The following RBM26 variants were observed in gnomAD, a reference collection of about 807,000 sequenced individuals.
The protein encoded by RBM26 is RNA-binding protein 26.
Under a neutral mutation model 123.6 loss-of-function variants are expected in RBM26, and 30 were observed. That is an observed-to-expected ratio of 0.24 (90% CI 0.18 to 0.33). The LOEUF (loss-of-function observed/expected upper bound fraction) is 0.33. Among genes scored for constraint, RBM26 ranks in the 10% least tolerant of loss-of-function variants. RBM26 has a pLI of 1.00. For synonymous variants in RBM26, 400 were observed against 404.4 expected (o/e 0.99, Z 0.13); for missense variants, 947 against 1,203.6 (o/e 0.79, Z 3.15).
chr13:79,383,735 C>T (rs2077253367), intron 1 of RBM26, among the ~76,000 whole-genome samples: 1 of 151,942 alleles, frequency 6.6e-6, no homozygotes, highest in Admixed American at 6.6e-5. Flanking sequence ...GTCATGTAGA[C>T]ACGTGCTCTG....
rs909759008 is a variant in RBM26, at chr13:79,370,846, G to C, written c.634+99C>G. ...TTGGACCACAGAATACATCATAATA[G>C]AAAAAAATGAAGACAACACTGACAA... On this transcript the variant is annotated intron_variant, in intron 5 of 21. Transcript: ENST00000438737. The C allele has an allele frequency of 3.1e-6, 4 of 1,281,092 alleles. No individual in the cohort carries two copies. The East Asian group carries it at 9.4e-5, about 30-fold the overall frequency. 79.4% of individuals were successfully genotyped at this position (1,281,092 alleles called of 1,614,324 possible).
intron 14 of RBM26, among the ~76,000 whole-genome samples, chr13:79,352,648 CA>C (rs1232543260): frequency 5.3e-5 from 8 of 152,036 alleles, no homozygotes; most frequent in African/African-American, 1.9e-4. Flanking sequence ...TTCCAGTTTA[CA>C]AAAATATTTG....
intron 1 of RBM26, among the ~76,000 whole-genome samples, chr13:79,385,044 A>G (rs950984545): frequency 6.6e-6 from 1 of 152,182 alleles, no homozygotes; most frequent in Admixed American, 6.5e-5. Context: ...TTAAATTTAA[A>G]TATGTTAACT....
intron 9 of RBM26, among the ~76,000 whole-genome samples, chr13:79,364,038 TA>T (rs1194473611): frequency 6.6e-6 from 1 of 152,118 alleles, no homozygotes; most frequent in Admixed American, 6.5e-5. Flanking sequence ...AGGATATAGG[TA>T]AACATCACAC....
intron 18 of RBM26, among the ~76,000 whole-genome samples, 180 bp downstream of exon 18, chr13:79,340,943 A>G (rs1280631439): frequency 6.6e-6 from 1 of 151,936 alleles, no homozygotes; most frequent in African/African-American, 2.4e-5. Flanking sequence ...GATTTTATCT[A>G]GTACCTCTGA....
intron 11 of RBM26, among the ~76,000 whole-genome samples, chr13:79,357,390 A>G (rs1295350584): frequency 6.6e-6 from 1 of 152,092 alleles, no homozygotes; most frequent in Non-Finnish European, 1.5e-5. Context: ...ACCATACAAA[A>G]TGGGGGAAAA....
intron 3 of RBM26, chr13:79,376,557 GTAA>G (rs2076685920): frequency 6.6e-6 from 1 of 152,100 alleles, no homozygotes; most frequent in Admixed American, 6.6e-5. Context: ...TATATGACTA[GTAA>G]CTAAGGGTGA....
chr13:79,350,251 A>G (rs2073038393), intron 14 of RBM26, among the ~76,000 whole-genome samples: 1 of 152,222 alleles, frequency 6.6e-6, no homozygotes, highest in African/African-American at 2.4e-5. Context: ...CCACAAGAAC[A>G]ATAACATCCT....
intron 14 of RBM26, among the ~76,000 whole-genome samples, chr13:79,350,135 A>C (rs922424056): frequency 6.6e-6 from 1 of 152,234 alleles, no homozygotes; most frequent in African/African-American, 2.4e-5. Context: ...TATAACATGC[A>C]ATATTCTTTT....
downstream of RBM26, chr13:79,315,003 G>A (rs761691264): frequency 8.5e-6 from 11 of 1,296,522 alleles, no homozygotes; most frequent in African/African-American, 1.2e-4. Flanking sequence ...GCTGGAAAAA[G>A]AGAAGACTAT....
intron 3 of RBM26, among the ~76,000 whole-genome samples, chr13:79,373,369 AAT>A (rs1192673602): frequency 9.6e-6 from 1 of 103,972 alleles, no homozygotes; most frequent in African/African-American, 3.9e-5. Context: ...ATAAATATAT[AAT>A]ATATATTATA....
Position 79,358,451 on chromosome 13 carries a change from G to C in RBM26, c.1530-18C>G, listed in dbSNP as rs2074281155. 6.3e-7 allele frequency: 1 copy of C among 1,597,380 alleles called. No homozygotes were observed. The highest frequency in any genetic ancestry group is 1.3e-5 in the African/African-American group (1 of 74,114). ...AATTTGGTCTGCAAACAAAATTCAAGTTAGTCAATACATTTATAAATCCTG... is the reference window on the plus strand; with the variant it reads ...AATTTGGTCTGCAAACAAAATTCAACTTAGTCAATACATTTATAAATCCTG... On this transcript the variant is annotated intron_variant, in intron 10 of 21. Coordinates refer to ENST00000438737, the MANE Select transcript of RBM26 (RefSeq NM_001366735.2).
chr13:79,378,207 C>T (rs986743822), intron 2 of RBM26, among the ~76,000 whole-genome samples: 2 of 152,154 alleles, frequency 1.3e-5, no homozygotes, highest in African/African-American at 4.8e-5. Flanking sequence ...AAGCAGTTTC[C>T]TAAGCAGTAC....
intron 20 of RBM26, among the ~76,000 whole-genome samples, chr13:79,333,634 T>C (rs1213354735): frequency 1.3e-5 from 2 of 152,152 alleles, no homozygotes; most frequent in Non-Finnish European, 2.9e-5. Flanking sequence ...CTACAATTCC[T>C]GAAGAAAGAA....
chr13:79,351,510 G>A (rs933461628), intron 14 of RBM26, among the ~76,000 whole-genome samples: 2 of 151,688 alleles, frequency 1.3e-5, no homozygotes, highest in African/African-American at 4.8e-5. Flanking sequence ...ATTCCAAGGA[G>A]GAGGTGGGGA....
chr13:79,316,155 T>C (rs1044811664), downstream of RBM26, among the ~76,000 whole-genome samples: 9 of 151,220 alleles, frequency 6.0e-5, no homozygotes, highest in African/African-American at 2.2e-4. Context: ...GAAATTTTTG[T>C]TTTAAAAGGC....
intron 3 of RBM26, among the ~76,000 whole-genome samples, chr13:79,373,510 T>C (rs1431910595): frequency 3.4e-5 from 1 of 29,308 alleles, no homozygotes; most frequent in Non-Finnish European, 6.2e-5. Flanking sequence ...AATATACTTA[T>C]TTATATATAT....
At chr13:79,347,778 T>C (rs1056558505) in intron 14 of RBM26, among the ~76,000 whole-genome samples, 1 of 151,144 alleles carries the variant, frequency 6.6e-6, no homozygotes, top group Admixed American at 6.6e-5. Flanking sequence ...CCTTCCTTAG[T>C]GCACCCATGA....
chr13:79,370,152 C>A (rs2075733337), intron 5 of RBM26, among the ~76,000 whole-genome samples: 1 of 151,912 alleles, frequency 6.6e-6, no homozygotes, highest in South Asian at 2.1e-4. Context: ...CGTGACTCTA[C>A]CAAAAATACA....
Sources: allele counts gnomAD v4.1 joint callset (sites outside exome capture counted in the v4.1 genomes callset), GRCh38; gene constraint gnomAD v4.1.1; transcripts MANE v1.5; gene names NCBI Gene and HGNC (gene_info 2026-07-23, HGNC 2026-07-21).